The following ZC2HC1A variants were observed in gnomAD, a reference collection of about 807,000 sequenced individuals.
The protein encoded by ZC2HC1A is zinc finger C2HC domain-containing protein 1A.
Under a neutral mutation model 40.7 loss-of-function variants are expected in ZC2HC1A, and 28 were observed. That is an observed-to-expected ratio of 0.69 (90% CI 0.51 to 0.94). The LOEUF (loss-of-function observed/expected upper bound fraction) is 0.94. Ranked by LOEUF, ZC2HC1A falls within the 40% of genes least tolerant of loss-of-function variation. The probability of loss-of-function intolerance (pLI) is 0.00; values close to 1 mark genes in which losing one functional copy is unlikely to be tolerated. For synonymous variants in ZC2HC1A, 129 were observed against 129.2 expected (o/e 1.00, Z 0.01); for missense variants, 389 against 386.3 (o/e 1.01, Z -0.06).
rs367617637 is a variant in ZC2HC1A, at chr8:78,666,104, C to A, written c.-45C>A. On this transcript the variant is annotated 5_prime_UTR_variant, in exon 1 of 9. Coordinates refer to ENST00000263849, the MANE Select transcript of ZC2HC1A (RefSeq NM_016010.3). ...TGCTACAGCCAGAGCTGGGCGGTGGCGGGCGCTGCTGAAGGAGTCTCGCTG... is the reference window on the plus strand; with the variant it reads ...TGCTACAGCCAGAGCTGGGCGGTGGAGGGCGCTGCTGAAGGAGTCTCGCTG... 3 of 1,556,868 alleles carry A rather than the reference C, an allele frequency of 1.9e-6. No homozygotes were observed. Among genetic ancestry groups the A allele is most frequent in the Non-Finnish European group, 2.6e-6 (3 of 1,150,304 alleles).
chr8:78,689,137 G>T, intron 4 of ZC2HC1A, 85 bp from the exon 5 acceptor site: 2 of 1,004,512 alleles, frequency 2.0e-6, no homozygotes, highest in Non-Finnish European at 1.3e-6. Flanking sequence ...TATATTTTTT[G>T]AATGACTGCA....
At chr8:78,692,012 C>T (rs1461432644) in intron 5 of ZC2HC1A, among the ~76,000 whole-genome samples, 1 of 152,166 alleles carries the variant, frequency 6.6e-6, no homozygotes, top group East Asian at 1.9e-4. Flanking sequence ...ATACTATCAC[C>T]TCAAGTACTT....
intron 5 of ZC2HC1A, among the ~76,000 whole-genome samples, chr8:78,690,520 A>G (rs1397208228): frequency 6.6e-6 from 1 of 151,664 alleles, no homozygotes; most frequent in Non-Finnish European, 1.5e-5. Flanking sequence ...AGATCATGCC[A>G]CTGCACTCCA....
At chr8:78,678,482 T>G in intron 2 of ZC2HC1A, 81 bp from the exon 3 acceptor site, 1 of 999,136 alleles carries the variant, frequency 1.0e-6, no homozygotes, top group Non-Finnish European at 1.5e-6. Flanking sequence ...ATTTTTAAAC[T>G]GGTCTCAATG....
At chr8:78,695,656 C>CTG (rs1563631355) in intron 5 of ZC2HC1A, among the ~76,000 whole-genome samples, 1 of 151,882 alleles carries the variant, frequency 6.6e-6, no homozygotes, top group African/African-American at 2.4e-5. Context: ...CTTTCTCTCT[C>CTG]TATATATATA....
chr8:78,678,803 A>G, intron 3 of ZC2HC1A, 124 bp downstream of exon 3: 1 of 559,220 alleles, frequency 1.8e-6, no homozygotes, highest in African/African-American at 2.0e-5. Context: ...ATTAAAGAAT[A>G]AATACAATTC....
intron 5 of ZC2HC1A, among the ~76,000 whole-genome samples, chr8:78,692,890 C>G (rs1810258249): frequency 6.6e-6 from 1 of 152,110 alleles, no homozygotes; most frequent in African/African-American, 2.4e-5. Context: ...ACTCCCCCCA[C>G]CCCACAACAG....
At chr8:78,694,835 T>C (rs1210049654) in intron 5 of ZC2HC1A, among the ~76,000 whole-genome samples, 3 of 152,202 alleles carry the variant, frequency 2.0e-5, no homozygotes, top group African/African-American at 7.2e-5. Flanking sequence ...CAAATAATAA[T>C]GAATGAAAGA....
At position 78,719,044 on chromosome 8, in the gene ZC2HC1A, C is replaced by G. The variant is rs1026844527; in HGVS notation, c.*1551C>G. ...CTGATTAGTTGTTAATTTTTTTCCC[C>G]TCAGTTATCTTTATTCAGTCTTATT... On this transcript the variant is annotated 3_prime_UTR_variant, in exon 9 of 9. Transcript: ENST00000263849. 1 of 151,568 alleles carries G rather than the reference C, an allele frequency of 6.6e-6. No individual in the cohort carries two copies. Among genetic ancestry groups the G allele is most frequent in the African/African-American group, 2.4e-5 (1 of 41,366 alleles). The allele number at this position is 151,568 out of a possible 1,614,324, so 9.4% of individuals were successfully genotyped here.
At chr8:78,692,339 G>C (rs1315659869) in intron 5 of ZC2HC1A, among the ~76,000 whole-genome samples, 1 of 152,000 alleles carries the variant, frequency 6.6e-6, no homozygotes, top group African/African-American at 2.4e-5. Context: ...AATCCCTATA[G>C]TTCAGTCTTA....
At position 78,697,459 on chromosome 8, in the gene ZC2HC1A, G is replaced by A; in HGVS notation, c.557G>A (p.Gly186Glu). Residue 186 changes from glycine to glutamate, a missense_variant, in exon 6 of 9, where the codon GGA (glycine) becomes GAA (glutamate). Transcript: ENST00000263849. ...KSNSPGTASS[G>E]SSRLPQPSGA... Reference sequence around the variant, plus strand: ...AATTCTCCTGGAACTGCATCATCAGGATCTTCACGATTACCGCAGCCAAGT... The same window carrying A: ...AATTCTCCTGGAACTGCATCATCAGAATCTTCACGATTACCGCAGCCAAGT... 6.2e-7 allele frequency: 1 copy of A among 1,610,458 alleles called. No homozygotes were observed. Among genetic ancestry groups the A allele is most frequent in the South Asian group, 1.1e-5 (1 of 90,288 alleles).
intron 1 of ZC2HC1A, among the ~76,000 whole-genome samples, chr8:78,672,589 G>C (rs917516141): frequency 1.3e-5 from 2 of 151,968 alleles, no homozygotes; most frequent in Admixed American, 1.3e-4. Flanking sequence ...TTGTTTTTAA[G>C]GTTTAGTAAT....
Position 78,687,541 on chromosome 8 carries a change from TAATA to T in ZC2HC1A, c.352+937_352+940del, listed in dbSNP as rs1810034750. The stretch of plus-strand genomic sequence containing the variant: ...TTATATAATAAATTATATATTTATA[TAATA>T]AATTTTATATTTACATAATAAATTA... On this transcript the variant is annotated intron_variant, in intron 4 of 8. Transcript: ENST00000263849. 2.1e-5 allele frequency among the ~76,000 whole-genome samples: 3 copies of T among 143,712 alleles called. No individual in the cohort carries two copies. In the South Asian group the frequency reaches 6.3e-4, roughly 30 times the overall value. The allele number at this position is 143,712 out of a possible 152,430, so 94.3% of individuals were successfully genotyped here.
intron 7 of ZC2HC1A, among the ~76,000 whole-genome samples, chr8:78,705,021 C>T (rs1007850578): frequency 6.6e-6 from 1 of 152,104 alleles, no homozygotes; most frequent in African/African-American, 2.4e-5. Flanking sequence ...TGATTTTTAG[C>T]TTCCTTTCAT....
At chr8:78,708,776 A>G (rs11783024) in intron 7 of ZC2HC1A, among the ~76,000 whole-genome samples, 145,852 of 151,176 alleles carry the variant, frequency 0.96, 70,395 homozygotes, top group East Asian at 0.99. Context: ...CGCCTCCTGG[A>G]TTCAAGTGAT....
At chr8:78,671,838 A>G (rs537543072) in intron 1 of ZC2HC1A, among the ~76,000 whole-genome samples, 3 of 152,238 alleles carry the variant, frequency 2.0e-5, no homozygotes, top group Admixed American at 6.5e-5. Flanking sequence ...AGTTGGTTTA[A>G]TCATTCTTAT....
At chr8:78,688,509 C>A (rs1252751014) in intron 4 of ZC2HC1A, among the ~76,000 whole-genome samples, 1 of 152,050 alleles carries the variant, frequency 6.6e-6, no homozygotes, top group African/African-American at 2.4e-5. Context: ...AATTAAGATT[C>A]TTTTTTGACA....
rs562663074 is a variant in ZC2HC1A at position 78,679,531 on chromosome 8, T to A, written c.210+852T>A. On this transcript the variant is annotated intron_variant, in intron 3 of 8. Coordinates refer to ENST00000263849, the MANE Select transcript of ZC2HC1A (RefSeq NM_016010.3). ...TTTCCTGAAAGTTTCTGATTCATGG[T>A]TGACTGAATCCATGGATGCACAAGC... 5.3e-5 allele frequency: 8 copies of A among 152,252 alleles called. No individual in the cohort carries two copies. The South Asian group carries it at 1.7e-3, about 32-fold the overall frequency. The allele number at this position is 152,252 out of a possible 1,614,324, so 9.4% of individuals were successfully genotyped here.
intron 8 of ZC2HC1A, among the ~76,000 whole-genome samples, chr8:78,716,541 G>A (rs950249040): frequency 4.6e-5 from 7 of 152,094 alleles, no homozygotes; most frequent in African/African-American, 1.4e-4. Context: ...ATAAATACTA[G>A]AAGCATCACC....
Sources: gnomAD v4.1 joint callset for allele counts (sites outside exome capture counted in the v4.1 genomes callset) on GRCh38, gnomAD v4.1.1 for gene constraint, MANE v1.5 for transcripts, NCBI Gene and HGNC (gene_info 2026-07-23, HGNC 2026-07-21) for gene names.